The following EIF3A variants were observed in gnomAD, a reference collection of about 807,000 sequenced individuals.
EIF3A encodes EIF3, p180 subunit.
EIF3A carries 21 observed loss-of-function variants against 186.6 expected under a neutral mutation model. That is an observed-to-expected ratio of 0.11 (90% CI 0.08 to 0.16). The LOEUF is 0.16. Ranked by LOEUF, EIF3A falls within the 10% of genes least tolerant of loss-of-function variation. EIF3A has a pLI of 1.00. For missense variants in EIF3A, 1,306 were observed against 1,796.3 expected, an observed-to-expected ratio of 0.73 and a Z score of 4.93; for synonymous variants, 563 against 584.3, an observed-to-expected ratio of 0.96 and a Z score of 0.52.
chr10:119,044,543 T>C (rs1392056004), intron 17 of EIF3A, among the ~76,000 whole-genome samples: 10 of 152,216 alleles, frequency 6.6e-5, no homozygotes, highest in Admixed American at 4.6e-4. Flanking sequence ...TTAACAGTAC[T>C]TCTCTATTCA....
chr10:119,061,131 C>A, intron 8 of EIF3A, 93 bp downstream of exon 8: 1 of 664,400 alleles, frequency 1.5e-6, no homozygotes, highest in Non-Finnish European at 2.5e-6. Flanking sequence ...ACACATAGGA[C>A]AAAACTTCTC....
At position 119,034,994 on chromosome 10, in the gene EIF3A, A is replaced by T. The variant is rs1217246373; in HGVS notation, c.*1045T>A. ...AAAAAAAACTCAACTGAATATGCAA[A>T]CTTACCATTATAAACAAAATACTAT... On this transcript the variant is annotated 3_prime_UTR_variant, in exon 22 of 22. Transcript: ENST00000369144. The T allele has an allele frequency of 1.3e-5, 2 of 152,676 alleles. No homozygotes were observed. Among genetic ancestry groups the T allele is most frequent in the Non-Finnish European group, 2.9e-5 (2 of 68,048 alleles). 9.5% of individuals were successfully genotyped at this position (152,676 alleles called of 1,614,324 possible).
At chr10:119,050,053 T>C (rs1848335800) in intron 16 of EIF3A, 68 bp from the exon 17 acceptor site, 4 of 1,459,952 alleles carry the variant, frequency 2.7e-6, no homozygotes, top group Admixed American at 2.0e-5. Flanking sequence ...TAGTTCCACT[T>C]TTCTGGTATT....
intron 14 of EIF3A, among the ~76,000 whole-genome samples, chr10:119,052,368 T>TTTTTTTGTGTGTGTGTGTGTG (rs140398720): frequency 8.1e-6 from 1 of 122,972 alleles, no homozygotes; most frequent in African/African-American, 2.9e-5. Flanking sequence ...TTTTTTGGTT[T>TTTTTTTGTGTGTGTGTGTGTG]TGTGTGTGTG....
At chr10:119,072,857 GCACTTCA>G in intron 4 of EIF3A, 26 bp downstream of exon 4, 1 of 1,577,818 alleles carries the variant, frequency 6.3e-7, no homozygotes, top group South Asian at 1.2e-5. Flanking sequence ...CAATTTCAAA[GCACTTCA>G]CTCAGATTTG....
chr10:119,038,298 G>A lies in EIF3A; in HGVS notation c.3668C>T (p.Pro1223Leu). ...TCTCTCTCTGTCCCTTTCTCTCTCAGGGTCCTTGTCATTCTCCTCCCGATC... is the reference window on the plus strand; with the variant it reads ...TCTCTCTCTGTCCCTTTCTCTCTCAAGGTCCTTGTCATTCTCCTCCCGATC... ...NQDREENDKD[P>L]ERERDRERDV... The change falls in exon 20 of 22, where the codon CCT becomes CTT. Residue 1223 changes from proline to leucine, a missense_variant. Physicochemically the swap from Pro to Leu is moderately conservative, Grantham distance 98. This residue lies in a region of EIF3A where 331 missense variants were observed against 365.8 expected (regional missense o/e 0.90). Transcript: ENST00000369144. 1 of 1,613,858 alleles carries A rather than the reference G, an allele frequency of 6.2e-7. No individual in the cohort carries two copies.
intron 14 of EIF3A, among the ~76,000 whole-genome samples, chr10:119,054,688 T>C (rs113583886): frequency 0.015 from 2,236 of 150,110 alleles, 55 homozygotes; most frequent in African/African-American, 0.052. Flanking sequence ...GATTGCGCCA[T>C]TGCACTCCAG....
chr10:119,070,463 AAAC>A (rs1253759888), intron 5 of EIF3A, among the ~76,000 whole-genome samples: 1 of 152,232 alleles, frequency 6.6e-6, no homozygotes, highest in East Asian at 1.9e-4. Flanking sequence ...CACAAAAATG[AAAC>A]AGAAAAAGCT....
chr10:119,044,562 T>C (rs759625168), intron 17 of EIF3A, among the ~76,000 whole-genome samples: 1 of 152,224 alleles, frequency 6.6e-6, no homozygotes, highest in Non-Finnish European at 1.5e-5. Flanking sequence ...CAAAGTACTC[T>C]GATGGGCCGG....
At chr10:119,041,005 C>CAAAAAA (rs34452005) in intron 19 of EIF3A, among the ~76,000 whole-genome samples, 1 of 78,730 alleles carries the variant, frequency 1.3e-5, no homozygotes, top group Non-Finnish European at 2.3e-5. Flanking sequence ...ACTCCGTCTC[C>CAAAAAA]AAAAAAAAAA....
chr10:119,049,188 G>A lies in EIF3A; in HGVS notation c.2658+613C>T, dbSNP rs7072850. On this transcript the variant is annotated intron_variant, in intron 17 of 21. Coordinates refer to ENST00000369144, the MANE Select transcript of EIF3A (RefSeq NM_003750.4). ...AGAGCGGTGAAAATGGGCTGGGTGC[G>A]GTGGCTCGCGCCTGTAATCCCAGCA... Among the ~76,000 whole-genome samples the A allele has an allele frequency of 1.5e-4, 23 of 152,194 alleles. No homozygotes were observed. The South Asian group carries it at 3.5e-3, about 23-fold the overall frequency.
In EIF3A at chr10:119,058,415, T is replaced by C. The variant is rs975534176; in HGVS notation, c.1630-112A>G. 1.6e-5 allele frequency: 12 copies of C among 738,420 alleles called. No individual in the cohort carries two copies. In the Admixed American group the frequency reaches 2.9e-4, roughly 18 times the overall value. The allele number at this position is 738,420 out of a possible 1,614,324, so 45.7% of individuals were successfully genotyped here. A position where few individuals can be genotyped will look rare whatever the true frequency, so the allele number is the denominator to read the frequency against. ...GTACTGCCTTTCTATGTATCTGCAT[T>C]TGATAATGGAAGATGACACTATCCA... On this transcript the variant is annotated intron_variant, in intron 11 of 21. Coordinates refer to ENST00000369144, the MANE Select transcript of EIF3A (RefSeq NM_003750.4).
chr10:119,046,940 A>G (rs1006633852), intron 17 of EIF3A, among the ~76,000 whole-genome samples: 1 of 148,382 alleles, frequency 6.7e-6, no homozygotes, highest in African/African-American at 2.5e-5. Context: ...CCGGGCAAAA[A>G]GGGCAAAAAA....
rs779555288 is a variant in EIF3A, at chr10:119,080,694, C to G, written c.-18G>C. On this transcript the variant is annotated 5_prime_UTR_variant, in exon 1 of 22. Transcript: ENST00000369144. ...GCCGGCATCTTGGCGGCAGGCTCAG[C>G]TCACCCGGCGTCAGCGAACTCTCTA... 14 of 1,587,280 alleles carry G rather than the reference C, an allele frequency of 8.8e-6. No homozygotes were observed. In the South Asian group the frequency reaches 1.4e-4, roughly 16 times the overall value.
chr10:119,080,376 G>A (rs1589699738), intron 1 of EIF3A: 1 of 985,446 alleles, frequency 1.0e-6, no homozygotes, highest in Non-Finnish European at 1.2e-6. Context: ...TCCCCGCGAC[G>A]CACCCGGAGG....
In EIF3A at chr10:119,042,084, C is replaced by G. The variant is rs1354908359; in HGVS notation, c.3436G>C (p.Asp1146His). 1 of 1,614,206 alleles carries G rather than the reference C, an allele frequency of 6.2e-7. No homozygotes were observed. The highest frequency in any genetic ancestry group is 2.2e-5 in the East Asian group (1 of 44,880). Reference sequence around the variant, plus strand: ...TCATCAGCACGTCTTGAAAGGCGATCATCATCCATGTTTCTCCAAGGGCCC... The same window carrying G: ...TCATCAGCACGTCTTGAAAGGCGATGATCATCCATGTTTCTCCAAGGGCCC... ...DRGPWRNMDD[D>H]RLSRRADDDR... The change falls in exon 19 of 22, where the codon GAT (aspartate) becomes CAT (histidine). Residue 1146 changes from aspartate (D) to histidine (H), a missense_variant. Transcript: ENST00000369144. This position sits in a 1 kb window ranked among gnomAD's most constrained non-coding sequence, Gnocchi z 7.8.
intron 19 of EIF3A, among the ~76,000 whole-genome samples, chr10:119,040,653 T>C (rs187539257): frequency 7.0e-4 from 106 of 151,850 alleles, no homozygotes; most frequent in African/African-American, 2.5e-3. Context: ...GGTGGATCAC[T>C]TGAGGTCAGG....
At chr10:119,074,777 T>C (rs1408327039) in intron 1 of EIF3A, among the ~76,000 whole-genome samples, 3 of 151,040 alleles carry the variant, frequency 2.0e-5, no homozygotes, top group Non-Finnish European at 4.4e-5. Flanking sequence ...CTACTAAAAA[T>C]ACAAAATTAG....
Position 119,059,646 on chromosome 10 carries a change from G to A in EIF3A, c.1399C>T (p.Leu467=), listed in dbSNP as rs1328217920. 2 of 1,614,168 alleles carry A rather than the reference G, an allele frequency of 1.2e-6. No homozygotes were observed. Among genetic ancestry groups the A allele is most frequent in the Non-Finnish European group, 1.7e-6 (2 of 1,180,018 alleles). The change falls in exon 10 of 22, where the codon CTG becomes TTG. Residue 467 remains leucine (L), a synonymous_variant. Transcript: ENST00000369144. ...GCTGCATCTACTATGGCCCGTTCCA[G>A]TTGGAAAGCATCAACAAAAGGAACC... is the stretch of plus-strand genomic sequence containing the variant. ...SLVPFVDAFQ[L]ERAIVDAARH... is the part of the protein sequence containing the mutation.
Sources: allele counts gnomAD v4.1 joint callset (sites outside exome capture counted in the v4.1 genomes callset), GRCh38; gene constraint gnomAD v4.1.1; regional missense constraint gnomAD v4.1.1; non-coding constraint Gnocchi (gnomAD v3.1); transcripts MANE v1.5; gene names NCBI Gene and HGNC (gene_info 2026-07-23, HGNC 2026-07-21).